The following SATL1 variants were observed in gnomAD, a reference collection of about 807,000 sequenced individuals.
SATL1 encodes spermidine/spermine N(1)-acetyltransferase-like protein 1.
In SATL1, 47 loss-of-function variants were observed where a neutral mutation model predicts 51.8. That is an observed-to-expected ratio of 0.91 (90% CI 0.72 to 1.16). The LOEUF is 1.16. SATL1 is among the 50% of genes most tolerant of loss of function. The probability of loss-of-function intolerance (pLI) is 0.00; values close to 1 mark genes in which losing one functional copy is unlikely to be tolerated. For synonymous variants in SATL1, 176 were observed against 182.4 expected (o/e 0.97, Z 0.28); for missense variants, 520 against 526.4 (o/e 0.99, Z 0.12).
At chrX:85,213,947 T>A (rs749786019) in intron 2 of SATL1, among the ~76,000 whole-genome samples, 1 of 110,951 alleles carries the variant, frequency 9.0e-6, no homozygotes, top group African/African-American at 3.3e-5. Context: ...AGGGTAATAT[T>A]GAGAATATAG....
intron 2 of SATL1, chrX:85,219,747 C>T (rs1222057731): frequency 9.0e-6 from 1 of 110,776 alleles, no homozygotes; most frequent in Non-Finnish European, 1.9e-5. Flanking sequence ...ATAACCTGGG[C>T]CCCTGACTCC....
intron 2 of SATL1, among the ~76,000 whole-genome samples, chrX:85,148,074 GA>G (rs1926308695): frequency 1.8e-5 from 2 of 111,300 alleles, no homozygotes; most frequent in Non-Finnish European, 3.8e-5. Context: ...TAAAAACTTT[GA>G]AAAAAATTTA....
intron 2 of SATL1, among the ~76,000 whole-genome samples, chrX:85,145,153 A>T (rs1055376964): frequency 4.5e-5 from 5 of 112,113 alleles, no homozygotes; most frequent in Admixed American, 1.9e-4. Flanking sequence ...TGTCTAAATT[A>T]GTGCACATTG....
intron 2 of SATL1, among the ~76,000 whole-genome samples, chrX:85,167,826 A>G (rs1015402185): frequency 9.0e-6 from 1 of 110,940 alleles, no homozygotes; most frequent in African/African-American, 3.3e-5. Context: ...AGATACAACA[A>G]AACCAGAAAA....
chrX:85,140,230 C>T (rs1291866524), intron 2 of SATL1, among the ~76,000 whole-genome samples: 1 of 111,797 alleles, frequency 8.9e-6, no homozygotes, highest in Non-Finnish European at 1.9e-5. Context: ...CCTAAATGAC[C>T]ACATTTTGTT....
At chrX:85,180,417 T>C (rs1927175539) in intron 2 of SATL1, among the ~76,000 whole-genome samples, 1 of 111,209 alleles carries the variant, frequency 9.0e-6, no homozygotes, top group African/African-American at 3.3e-5. Flanking sequence ...TTATATGGTA[T>C]AGCCTATTGT....
At chrX:85,109,772 GC>G (rs753949343) in intron 2 of SATL1, among the ~76,000 whole-genome samples, 31 of 111,622 alleles carry the variant, frequency 2.8e-4, no homozygotes, top group African/African-American at 9.8e-4. Flanking sequence ...ACTTTGGAAA[GC>G]CGTGGCGGGT....
At chrX:85,196,617 C>T (rs1374245226) in intron 2 of SATL1, among the ~76,000 whole-genome samples, 1 of 111,869 alleles carries the variant, frequency 8.9e-6, no homozygotes, top group East Asian at 2.8e-4. Flanking sequence ...CAAAAAAAGA[C>T]AGTGAGGTGC....
chrX:85,161,591 A>G (rs1021453666), intron 2 of SATL1, among the ~76,000 whole-genome samples: 1 of 111,558 alleles, frequency 9.0e-6, no homozygotes, highest in Admixed American at 9.6e-5. Context: ...CATAACAGTA[A>G]AGGGTTCAAT....
At chrX:85,124,609 A>G (rs889295128) in intron 2 of SATL1, among the ~76,000 whole-genome samples, 1 of 111,388 alleles carries the variant, frequency 9.0e-6, no homozygotes, top group African/African-American at 3.3e-5. Flanking sequence ...ACCCTAAGAG[A>G]AGACTCCCAC....
chrX:85,093,559 G>T (rs1924593161), intron 6 of SATL1, among the ~76,000 whole-genome samples: 1 of 112,292 alleles, frequency 8.9e-6, no homozygotes, highest in South Asian at 3.7e-4. Context: ...TAGCTGTGTG[G>T]CCTATACTCA....
At chrX:85,135,645 C>A (rs1261614654) in intron 2 of SATL1, among the ~76,000 whole-genome samples, 1 of 107,515 alleles carries the variant, frequency 9.3e-6, no homozygotes, top group Non-Finnish European at 1.9e-5. Context: ...GATCTCGGCT[C>A]ACTACTGCCT....
intron 2 of SATL1, among the ~76,000 whole-genome samples, chrX:85,139,342 C>T (rs1298502016): frequency 9.0e-6 from 1 of 111,554 alleles, no homozygotes; most frequent in Non-Finnish European, 1.9e-5. Flanking sequence ...TACACAACCT[C>T]ATTGGGTTAT....
At chrX:85,181,187 G>GTATA (rs1274197138) in intron 2 of SATL1, among the ~76,000 whole-genome samples, 21 of 87,693 alleles carry the variant, frequency 2.4e-4, no homozygotes, top group African/African-American at 3.8e-4. Flanking sequence ...ATGTGTGTGT[G>GTATA]TATATATATA....
intron 2 of SATL1, among the ~76,000 whole-genome samples, chrX:85,150,508 AC>A (rs1013381775): frequency 1.8e-5 from 2 of 109,381 alleles, no homozygotes; most frequent in African/African-American, 6.6e-5. Context: ...CAGAGACACA[AC>A]CAAAAAAGAG....
intron 4 of SATL1, among the ~76,000 whole-genome samples, chrX:85,100,761 C>A (rs766218349): frequency 9.0e-6 from 1 of 111,634 alleles, no homozygotes; most frequent in East Asian, 2.8e-4. Context: ...ATCTTGAAAA[C>A]AAAGAATAAT....
chrX:85,095,825 CAAAAAAAAAAAAAAAA>C (rs144271899), intron 4 of SATL1, among the ~76,000 whole-genome samples: 3 of 32,731 alleles, frequency 9.2e-5, no homozygotes, highest in African/African-American at 1.3e-4. Flanking sequence ...GACTCCGTCT[CAAAAAAAAAAAAAAAA>C]AAAAAAAAAA....
At chrX:85,094,061 T>G in intron 6 of SATL1, 67 bp downstream of exon 6, 2 of 582,629 alleles carry the variant, frequency 3.4e-6, no homozygotes, top group South Asian at 5.5e-5. Context: ...TAAAGCCCTA[T>G]CTCCTTAAAA....
chrX:85,197,350 T>C (rs1238005378), intron 2 of SATL1, among the ~76,000 whole-genome samples: 1 of 111,300 alleles, frequency 9.0e-6, no homozygotes, highest in Non-Finnish European at 1.9e-5. Flanking sequence ...CTTCAAGAAT[T>C]TACCTTTCTT....
Sources: gnomAD v4.1 joint callset for allele counts (sites outside exome capture counted in the v4.1 genomes callset) on GRCh38, gnomAD v4.1.1 for gene constraint, MANE v1.5 for transcripts, NCBI Gene and HGNC (gene_info 2026-07-23, HGNC 2026-07-21) for gene names.